The following PPP4R3B variants were observed in gnomAD, a reference collection of about 807,000 sequenced individuals.
PPP4R3B encodes protein phosphatase 4 regulatory subunit 3B.
A neutral mutation model predicts 95.4 loss-of-function variants in PPP4R3B; 52 were observed. That is an observed-to-expected ratio of 0.54 (90% confidence interval 0.44 to 0.69). The LOEUF is 0.69. Ranked by LOEUF, PPP4R3B falls within the 30% of genes least tolerant of loss-of-function variation. The pLI, the probability that PPP4R3B is intolerant of heterozygous loss-of-function variation, is 0.00. For synonymous variants in PPP4R3B, 407 were observed against 343.9 expected (o/e 1.18, Z -2.03); for missense variants, 1,003 against 1,005.9 (o/e 1.00, Z 0.04).
chr2:55,583,716 T>C (rs1277671911), intron 7 of PPP4R3B, among the ~76,000 whole-genome samples: 1 of 152,186 alleles, frequency 6.6e-6, no homozygotes, highest in Non-Finnish European at 1.5e-5. Context: ...TTAGCATCAT[T>C]TGACATTGCA....
At chr2:55,558,637 A>T in intron 16 of PPP4R3B, 138 bp downstream of exon 16, 1 of 632,700 alleles carries the variant, frequency 1.6e-6, no homozygotes, top group Non-Finnish European at 2.7e-6. Context: ...ATAAAATTCT[A>T]CAATCAACAT....
intron 8 of PPP4R3B, among the ~76,000 whole-genome samples, chr2:55,580,930 T>C (rs1435128110): frequency 6.6e-6 from 1 of 152,168 alleles, no homozygotes; most frequent in African/African-American, 2.4e-5. Flanking sequence ...TTTATGGTGA[T>C]AAAATCACGC....
intron 15 of PPP4R3B, 35 bp from the exon 16 acceptor site, chr2:55,559,003 T>C: frequency 6.7e-7 from 1 of 1,502,782 alleles, no homozygotes; most frequent in East Asian, 2.3e-5. Flanking sequence ...CGTATATCAA[T>C]AAATACTGCT....
In PPP4R3B at chr2:55,548,161, A is replaced by AT. The variant is rs1337903669; in HGVS notation, c.*1749dup. 3.3e-5 allele frequency: 5 copies of AT among 152,240 alleles called. No individual in the cohort carries two copies. The highest frequency in any genetic ancestry group is 3.3e-4 in the Admixed American group (5 of 15,276). The allele number at this position is 152,240 out of a possible 1,614,324, so 9.4% of individuals were successfully genotyped here. A position where few individuals can be genotyped will look rare whatever the true frequency, so the allele number is the denominator to read the frequency against. Reference sequence around the variant, plus strand: ...AAAAGCTCCATACTGTGATGCTATGATTTCCCCAAGGCTTACCTTCTATAA... The same window carrying AT: ...AAAAGCTCCATACTGTGATGCTATGATTTTCCCCAAGGCTTACCTTCTATAA... On this transcript the variant is annotated 3_prime_UTR_variant, in exon 17 of 17. Transcript: ENST00000616407.
chr2:55,602,822 G>T (rs1692819673), intron 3 of PPP4R3B, among the ~76,000 whole-genome samples: 1 of 152,176 alleles, frequency 6.6e-6, no homozygotes, highest in Admixed American at 6.6e-5. Context: ...CTGTAACTGT[G>T]AGTATAACAG....
chr2:55,576,600 G>A (rs1688705238), intron 11 of PPP4R3B, among the ~76,000 whole-genome samples: 1 of 151,606 alleles, frequency 6.6e-6, no homozygotes, highest in African/African-American at 2.4e-5. Flanking sequence ...AAATCGGGAG[G>A]CTGAGGCAGA....
intron 2 of PPP4R3B, among the ~76,000 whole-genome samples, chr2:55,613,805 A>G (rs1036438268): frequency 8.8e-6 from 1 of 114,074 alleles, no homozygotes; most frequent in African/African-American, 6.2e-5. Context: ...TAAGGGAAAT[A>G]TGGTAAAAAA....
At chr2:55,550,946 CATCTT>C (rs1361043748) in intron 16 of PPP4R3B, among the ~76,000 whole-genome samples, 1 of 152,140 alleles carries the variant, frequency 6.6e-6, no homozygotes, top group Non-Finnish European at 1.5e-5. Flanking sequence ...ATCACACACA[CATCTT>C]AAGTCTGGAT....
intron 10 of PPP4R3B, 91 bp downstream of exon 10, chr2:55,578,156 G>C: frequency 1.7e-6 from 2 of 1,200,678 alleles, no homozygotes; most frequent in Non-Finnish European, 2.1e-6. Flanking sequence ...TAAATTTATA[G>C]CAACTTTGAA....
At chr2:55,599,195 T>C (rs1692215278) in intron 3 of PPP4R3B, among the ~76,000 whole-genome samples, 156 bp from the exon 4 acceptor site, 1 of 152,172 alleles carries the variant, frequency 6.6e-6, no homozygotes, top group African/African-American at 2.4e-5. Context: ...CCCAGCACTT[T>C]AGGTGGCTGA....
intron 16 of PPP4R3B, among the ~76,000 whole-genome samples, chr2:55,550,808 G>GTATC (rs1685161198): frequency 1.3e-5 from 2 of 152,086 alleles, no homozygotes; most frequent in Non-Finnish European, 1.5e-5. Flanking sequence ...AAGTACTGAG[G>GTATC]TATCGGGTTT....
intron 6 of PPP4R3B, among the ~76,000 whole-genome samples, chr2:55,585,415 T>C (rs1418270464): frequency 6.6e-6 from 1 of 152,186 alleles, no homozygotes. Flanking sequence ...AGAATTTAAA[T>C]ATAAGAATTG....
intron 4 of PPP4R3B, among the ~76,000 whole-genome samples, chr2:55,592,373 A>C (rs1322532983): frequency 1.3e-5 from 2 of 152,194 alleles, no homozygotes; most frequent in Non-Finnish European, 2.9e-5. Context: ...AAGTATTTCA[A>C]ACTTCAAACG....
chr2:55,588,390 G>C, intron 5 of PPP4R3B, among the ~76,000 whole-genome samples: 1 of 151,920 alleles, frequency 6.6e-6, no homozygotes, highest in South Asian at 2.1e-4. Context: ...GCGCATGCCT[G>C]TAATCCCAGC....
In PPP4R3B at chr2:55,554,178, C is replaced by T. The variant is rs534640880; in HGVS notation, c.2455-4172G>A. Among the ~76,000 whole-genome samples the T allele has an allele frequency of 5.9e-5, 9 of 152,328 alleles. 1 individual carries two copies. The South Asian group carries it at 1.9e-3, about 32-fold the overall frequency. On this transcript the variant is annotated intron_variant, in intron 16 of 16. Transcript: ENST00000616407. ...CCGCTGGGCTCAAGTGATACTCCCA[C>T]CTCAGCCTCCCGAATAGCTGGGACC...
chr2:55,611,734 ATT>A (rs899916814), intron 2 of PPP4R3B, among the ~76,000 whole-genome samples: 1 of 148,776 alleles, frequency 6.7e-6, no homozygotes. Flanking sequence ...AATTTACTCA[ATT>A]TTTTTTTTTG....
At chr2:55,589,089 T>A in intron 4 of PPP4R3B, 133 bp from the exon 5 acceptor site, 1 of 565,772 alleles carries the variant, frequency 1.8e-6, no homozygotes, top group South Asian at 3.1e-5. Flanking sequence ...TTCTGGGGTG[T>A]ATTTCTGTGT....
At chr2:55,555,420 T>A (rs1685730404) in intron 16 of PPP4R3B, among the ~76,000 whole-genome samples, 1 of 151,422 alleles carries the variant, frequency 6.6e-6, no homozygotes, top group Non-Finnish European at 1.5e-5. Flanking sequence ...GTTTCCAATA[T>A]GAAAGAAAGG....
At chr2:55,565,940 T>C (rs1687241046) in intron 13 of PPP4R3B, 1 of 152,220 alleles carries the variant, frequency 6.6e-6, no homozygotes, top group South Asian at 2.1e-4. Flanking sequence ...ACAGATCTGA[T>C]AAACTATCTG....
Sources: allele counts gnomAD v4.1 joint callset (sites outside exome capture counted in the v4.1 genomes callset), GRCh38; gene constraint gnomAD v4.1.1; transcripts MANE v1.5; gene names NCBI Gene and HGNC (gene_info 2026-07-23, HGNC 2026-07-21).